The following ZFHX3 variants were observed in gnomAD, a reference collection of about 807,000 sequenced individuals.
ZFHX3 encodes the protein zinc finger homeobox protein 3.
ZFHX3 carries 42 observed loss-of-function variants against 279.1 expected under a neutral mutation model. The ratio of observed to expected loss-of-function variants is 0.15; its 90% CI spans 0.12 to 0.19. The LOEUF is 0.19. Among genes scored for constraint, ZFHX3 ranks in the 10% least tolerant of loss-of-function variants. ZFHX3 has a pLI of 1.00. For missense variants in ZFHX3, 4,981 were observed against 4,754.0 expected (o/e 1.05, Z -1.40); for synonymous variants, 2,293 against 1,957.8 (o/e 1.17, Z -4.52).
intron 4 of ZFHX3, among the ~76,000 whole-genome samples, chr16:73,304,726 G>T (rs1274966296): frequency 2.4e-4 from 37 of 152,140 alleles, no homozygotes; most frequent in Admixed American, 2.4e-3. Flanking sequence ...CACTAAATAT[G>T]TTAAGGGAAT....
intron 2 of ZFHX3, among the ~76,000 whole-genome samples, chr16:73,471,587 T>G (rs2018669005): frequency 6.6e-6 from 1 of 152,188 alleles, no homozygotes; most frequent in Non-Finnish European, 1.5e-5. Context: ...AATCTCTTTC[T>G]TTCTAAACAT....
Position 73,641,398 on chromosome 16 carries a change from G to A in ZFHX3, c.-1547+38782C>T, listed in dbSNP as rs556366416. Among the ~76,000 whole-genome samples the A allele has an allele frequency of 3.3e-5, 5 of 152,268 alleles. No individual in the cohort carries two copies. In the South Asian group the frequency reaches 1.0e-3, roughly 32 times the overall value. ...ACTGCCCACGCTGGAGTGGAGACAT[G>A]CGGCCCCCTGAAGTGCACGCTTACA... On this transcript the variant is annotated intron_variant, in intron 2 of 17. Coordinates refer to the ZFHX3 transcript ENST00000641206.
At chr16:73,199,227 C>T (rs756581967) in intron 5 of ZFHX3, among the ~76,000 whole-genome samples, 3 of 152,038 alleles carry the variant, frequency 2.0e-5, no homozygotes, top group African/African-American at 7.2e-5. Flanking sequence ...GCTGGTCCCT[C>T]GTAGAATGGG....
At chr16:73,856,346 T>G (rs573895156) in intron 1 of ZFHX3, among the ~76,000 whole-genome samples, 5 of 152,308 alleles carry the variant, frequency 3.3e-5, no homozygotes, top group Non-Finnish European at 7.4e-5. Flanking sequence ...GCCTCATTTC[T>G]GAAAAACAAG....
At chr16:73,440,539 A>G (rs970053065) in intron 3 of ZFHX3, among the ~76,000 whole-genome samples, 12 of 152,212 alleles carry the variant, frequency 7.9e-5, no homozygotes, top group African/African-American at 2.9e-4. Context: ...TGTTAATTTC[A>G]TCAGCTTCAT....
At chr16:73,619,412 C>G (rs763542865) in intron 2 of ZFHX3, among the ~76,000 whole-genome samples, 38 of 151,148 alleles carry the variant, frequency 2.5e-4, no homozygotes, top group Non-Finnish European at 4.4e-5. Flanking sequence ...GGCATGAACC[C>G]GGGAGGCAGA....
At chr16:73,397,191 T>G (rs1039507537) in intron 3 of ZFHX3, among the ~76,000 whole-genome samples, 3 of 152,220 alleles carry the variant, frequency 2.0e-5, no homozygotes, top group African/African-American at 7.2e-5. Context: ...CCAAAGATAA[T>G]CAGGGAGGCC....
At chr16:73,378,096 T>G (rs1017004769) in intron 3 of ZFHX3, among the ~76,000 whole-genome samples, 4 of 145,674 alleles carry the variant, frequency 2.7e-5, no homozygotes, top group Admixed American at 7.0e-5. Flanking sequence ...ATGTCCTTAG[T>G]TAGGATTAAC....
chr16:73,509,945 C>T (rs2143684747), intron 2 of ZFHX3, among the ~76,000 whole-genome samples: 1 of 152,320 alleles, frequency 6.6e-6, no homozygotes, highest in South Asian at 2.1e-4. Context: ...ATCCACCTGT[C>T]TCAGCGTCCT....
intron 1 of ZFHX3, among the ~76,000 whole-genome samples, chr16:73,720,891 C>T (rs980781139): frequency 1.3e-5 from 2 of 152,156 alleles, no homozygotes; most frequent in African/African-American, 4.8e-5. Flanking sequence ...TATCTGTTGT[C>T]CTTCCAAGTT....
chr16:73,026,982 G>A (rs1006442098), intron 1 of ZFHX3, among the ~76,000 whole-genome samples: 6 of 152,182 alleles, frequency 3.9e-5, no homozygotes, highest in African/African-American at 7.2e-5. Context: ...TGCAGGCCAC[G>A]CATTCTCACT....
At chr16:73,575,936 A>G (rs529283108) in intron 2 of ZFHX3, among the ~76,000 whole-genome samples, 1 of 152,256 alleles carries the variant, frequency 6.6e-6, no homozygotes, top group African/African-American at 2.4e-5. Context: ...AGGCTTTACC[A>G]TGGGAGATGT....
chr16:72,951,782 GA>G (rs1961012433), intron 2 of ZFHX3, among the ~76,000 whole-genome samples: 1 of 152,210 alleles, frequency 6.6e-6, no homozygotes, highest in African/African-American at 2.4e-5. Flanking sequence ...GCCACCTTGA[GA>G]ACAATCTATG....
At chr16:73,397,302 C>A (rs2017150767) in intron 3 of ZFHX3, among the ~76,000 whole-genome samples, 1 of 152,126 alleles carries the variant, frequency 6.6e-6, no homozygotes, top group Non-Finnish European at 1.5e-5. Flanking sequence ...AATGCAAAGG[C>A]AGAAATTAAC....
At chr16:73,334,256 G>A (rs551922820) in intron 3 of ZFHX3, among the ~76,000 whole-genome samples, 168 of 152,248 alleles carry the variant, frequency 1.1e-3, no homozygotes, top group African/African-American at 4.0e-3. Flanking sequence ...CACACGGGCT[G>A]AGCAGGGAGA....
At chr16:73,326,829 C>G (rs776760356) in intron 3 of ZFHX3, among the ~76,000 whole-genome samples, 12 of 152,166 alleles carry the variant, frequency 7.9e-5, no homozygotes, top group Non-Finnish European at 1.6e-4. Context: ...ATTTGGGTCT[C>G]CAGTGTATTT....
chr16:72,919,777 C>CT (rs532405250), intron 3 of ZFHX3, among the ~76,000 whole-genome samples: 8,000 of 42,006 alleles, frequency 0.19, 2,888 homozygotes, highest in Middle Eastern at 0.25. Context: ...TATGCACCAT[C>CT]TTTTTTTTTT....
At chr16:73,553,674 T>C (rs1167487881) in intron 2 of ZFHX3, among the ~76,000 whole-genome samples, 2 of 152,184 alleles carry the variant, frequency 1.3e-5, no homozygotes, top group Non-Finnish European at 2.9e-5. Flanking sequence ...CTGTTAATGA[T>C]GTCTTAATGG....
chr16:72,974,904 G>C (rs1243197984), intron 1 of ZFHX3, among the ~76,000 whole-genome samples: 1 of 152,134 alleles, frequency 6.6e-6, no homozygotes, highest in East Asian at 1.9e-4. Flanking sequence ...CCCCATCACT[G>C]AATTCCCTCC....
Sources: allele counts gnomAD v4.1 joint callset (sites outside exome capture counted in the v4.1 genomes callset), GRCh38; gene constraint gnomAD v4.1.1; transcripts MANE v1.5; gene names NCBI Gene and HGNC (gene_info 2026-07-23, HGNC 2026-07-21).